Variants in EHMT1 observed in about 807,000 individuals in gnomAD.
EHMT1 encodes the protein histone-lysine N-methyltransferase EHMT1.
In EHMT1, 15 loss-of-function variants were observed where a neutral mutation model predicts 147.2. The observed-to-expected ratio is 0.10, with a 90% CI of 0.07 to 0.16. The LOEUF is 0.16. Among genes scored for constraint, EHMT1 ranks in the 10% least tolerant of loss-of-function variants. EHMT1 has a pLI of 1.00. For missense variants in EHMT1, 1,587 were observed against 1,772.4 expected (o/e 0.90, Z 1.88); for synonymous variants, 795 against 709.6 (o/e 1.12, Z -1.91).
At position 137,776,828 on chromosome 9, in the gene EHMT1, G is replaced by A. The variant is rs758755536; in HGVS notation, c.2002G>A (p.Asp668Asn). The stretch of plus-strand genomic sequence containing the variant: ...GGGCTCGGCCCTGGAGGGCAGGGCC[G>A]ACACCACAACGGGCAGGTACCTGGC... ...EKGSALEGRA[D>N]TTTGSAAGPP... The change falls in exon 12 of 27, where the codon GAC becomes AAC. Residue 668 changes from aspartate (D) to asparagine (N), a missense_variant. Around this residue, in one of 7 missense-constraint regions of EHMT1, gnomAD observed 77 missense variants for 79.3 expected, o/e 0.97. Coordinates refer to ENST00000460843, the MANE Select transcript of EHMT1 (RefSeq NM_024757.5). This position sits in a 1 kb window ranked among gnomAD's most constrained non-coding sequence, Gnocchi z 4.4. 2.5e-6 allele frequency: 4 copies of A among 1,613,696 alleles called. No homozygotes were observed. The highest frequency in any genetic ancestry group is 2.2e-5 in the East Asian group (1 of 44,870).
intron 18 of EHMT1, 142 bp from the exon 19 acceptor site, chr9:137,811,319 C>G (rs1186577825): frequency 5.2e-6 from 6 of 1,150,374 alleles, no homozygotes; most frequent in African/African-American, 3.0e-5. Context: ...CTGTGGCACC[C>G]TTTCCACCTG....
At chr9:137,762,511 G>A (rs1297700525) in intron 9 of EHMT1, among the ~76,000 whole-genome samples, 164 bp from the exon 10 acceptor site, 1 of 152,212 alleles carries the variant, frequency 6.6e-6, no homozygotes, top group Non-Finnish European at 1.5e-5. Flanking sequence ...TGCCCAGGTG[G>A]TGGCCATCCC....
intron 5 of EHMT1, 65 bp from the exon 6 acceptor site, chr9:137,743,837 G>A: frequency 1.3e-6 from 2 of 1,540,786 alleles, no homozygotes; most frequent in East Asian, 4.8e-5. Flanking sequence ...ACTCCTCAGT[G>A]AAAGCAAGTT....
intron 10 of EHMT1, among the ~76,000 whole-genome samples, chr9:137,767,901 T>C (rs932734338): frequency 5.9e-5 from 9 of 152,204 alleles, no homozygotes; most frequent in Admixed American, 5.2e-4. Flanking sequence ...TGGAACATTT[T>C]GCATTTCAGA....
chr9:137,646,129 T>C (rs1844864691), intron 1 of EHMT1, among the ~76,000 whole-genome samples: 1 of 152,090 alleles, frequency 6.6e-6, no homozygotes, highest in Non-Finnish European at 1.5e-5. Flanking sequence ...CAGCTAACTT[T>C]TTGTATTTTA....
intron 19 of EHMT1, among the ~76,000 whole-genome samples, chr9:137,812,676 C>T (rs1293071931): frequency 1.3e-5 from 2 of 152,270 alleles, no homozygotes; most frequent in Non-Finnish European, 2.9e-5. Context: ...GGCCTCTCTC[C>T]CTCCTTGCTT....
chr9:137,693,595 G>A (rs1219724046), intron 1 of EHMT1, among the ~76,000 whole-genome samples: 6 of 147,186 alleles, frequency 4.1e-5, no homozygotes, highest in African/African-American at 1.5e-4. Flanking sequence ...GGCACAGGAC[G>A]CTGGCCGATA....
chr9:137,621,102 T>C (rs1842919898), intron 1 of EHMT1, among the ~76,000 whole-genome samples: 1 of 152,192 alleles, frequency 6.6e-6, no homozygotes. Flanking sequence ...GCTTGCTAAA[T>C]GTGTTATATC....
rs533153654 is a variant in EHMT1, at chr9:137,662,670, T to C, written c.21+43621T>C. ...GCCTGCCACCACACTGGGCTAATTT[T>C]TTGTATTTTTAGTAGAGATGGGGTT... On this transcript the variant is annotated intron_variant, in intron 1 of 26. Transcript: ENST00000460843. Among the ~76,000 whole-genome samples the C allele has an allele frequency of 2.0e-5, 3 of 152,258 alleles. No homozygotes were observed. The South Asian group carries it at 6.2e-4, about 32-fold the overall frequency.
intron 10 of EHMT1, among the ~76,000 whole-genome samples, chr9:137,773,772 T>C (rs1950744864): frequency 6.6e-6 from 1 of 152,156 alleles, no homozygotes; most frequent in Non-Finnish European, 1.5e-5. Flanking sequence ...ACGAAGAATG[T>C]CAGAGGCTTA....
At position 137,728,249 on chromosome 9, in the gene EHMT1, T is replaced by C. The variant is rs1588409618; in HGVS notation, c.643-100T>C. 4 of 1,504,060 alleles carry C rather than the reference T, an allele frequency of 2.7e-6. No individual in the cohort carries two copies. In the East Asian group the frequency reaches 9.0e-5, roughly 34 times the overall value. 93.2% of individuals were successfully genotyped at this position (1,504,060 alleles called of 1,614,324 possible). On this transcript the variant is annotated intron_variant, in intron 3 of 26. Coordinates refer to ENST00000460843, the MANE Select transcript of EHMT1 (RefSeq NM_024757.5). ...TCCATTGTATCTCATCTTTCGGTTG[T>C]GGGGAATTATCGGGGAGAAGAACTG...
At chr9:137,708,351 G>GC (rs1944427312) in intron 1 of EHMT1, among the ~76,000 whole-genome samples, 1 of 152,202 alleles carries the variant, frequency 6.6e-6, no homozygotes, top group Non-Finnish European at 1.5e-5. Context: ...CAGCTATTCT[G>GC]CTTTGATATG....
intron 25 of EHMT1, among the ~76,000 whole-genome samples, chr9:137,831,794 G>T (rs1956206090): frequency 6.6e-6 from 1 of 152,244 alleles, no homozygotes; most frequent in African/African-American, 2.4e-5. Context: ...GTTAACATGT[G>T]GGGAGGACTC....
intron 4 of EHMT1, among the ~76,000 whole-genome samples, chr9:137,741,763 C>G (rs1394264890): frequency 6.6e-6 from 1 of 152,098 alleles, no homozygotes; most frequent in African/African-American, 2.4e-5. Context: ...TTGCATCTTG[C>G]AAACATTGTA....
intron 1 of EHMT1, among the ~76,000 whole-genome samples, chr9:137,641,828 A>ATT (rs772124198): frequency 7.0e-6 from 1 of 143,212 alleles, no homozygotes. Context: ...CTAAGATCAC[A>ATT]TTTTTTTTTT....
At chr9:137,822,232 G>T (rs974628385) in intron 25 of EHMT1, among the ~76,000 whole-genome samples, 3 of 152,210 alleles carry the variant, frequency 2.0e-5, no homozygotes, top group Non-Finnish European at 2.9e-5. Context: ...CCTTTCTGTT[G>T]TTGGACGGTG....
At chr9:137,642,762 TC>T (rs1162431361) in intron 1 of EHMT1, among the ~76,000 whole-genome samples, 1 of 152,268 alleles carries the variant, frequency 6.6e-6, no homozygotes, top group African/African-American at 2.4e-5. Flanking sequence ...TACGCAATTG[TC>T]TTTCAAATCA....
Position 137,831,206 on chromosome 9 carries a change from A to C in EHMT1, c.3541-3143A>C, listed in dbSNP as rs80049959. 4.1e-3 allele frequency among the ~76,000 whole-genome samples: 622 copies of C among 152,320 alleles called. 2 individuals carry two copies. Among genetic ancestry groups the C allele is most frequent in the African/African-American group, 0.014 (580 of 41,566 alleles). ...TCTGGTCGGGGGGCACACACATTCC[A>C]ACTGTAGCACCTGCAGTAACCATCA... On this transcript the variant is annotated intron_variant, in intron 25 of 26. Coordinates refer to ENST00000460843, the MANE Select transcript of EHMT1 (RefSeq NM_024757.5).
At chr9:137,630,339 AGGCTGCTGGAT>A (rs1223725649) in intron 1 of EHMT1, among the ~76,000 whole-genome samples, 1 of 152,226 alleles carries the variant, frequency 6.6e-6, no homozygotes, top group Non-Finnish European at 1.5e-5. Context: ...AAACAAGAAG[AGGCTGCTGGAT>A]GGCCACAATT....
Sources: gnomAD v4.1 joint callset for allele counts (sites outside exome capture counted in the v4.1 genomes callset) on GRCh38, gnomAD v4.1.1 for gene constraint, gnomAD v4.1.1 regional missense constraint, Gnocchi (gnomAD v3.1) non-coding constraint, MANE v1.5 for transcripts, NCBI Gene and HGNC (gene_info 2026-07-23, HGNC 2026-07-21) for gene names.